CNBD1: variants seen among roughly 807,000 people sequenced by gnomAD.
The protein encoded by CNBD1 is cyclic nucleotide-binding domain-containing protein 1.
Under a neutral mutation model 54.4 loss-of-function variants are expected in CNBD1, and 71 were observed. The observed-to-expected ratio is 1.30, with a 90% CI of 1.08 to 1.59. The LOEUF (loss-of-function observed/expected upper bound fraction) is 1.59, where lower values mean the gene tolerates loss of function less well. Among genes scored for constraint, CNBD1 ranks in the 40% most tolerant of loss-of-function variants. The pLI is 0.00. For synonymous variants in CNBD1, 182 were observed against 170.7 expected, an observed-to-expected ratio of 1.07 and a Z score of -0.51; for missense variants, 659 against 518.0, an observed-to-expected ratio of 1.27 and a Z score of -2.64.
intron 2 of CNBD1, among the ~76,000 whole-genome samples, chr8:87,397,589 T>C (rs372475920): frequency 1.3e-5 from 2 of 152,124 alleles, no homozygotes; most frequent in East Asian, 3.9e-4. Flanking sequence ...TATATATTTT[T>C]AATTCACAGT....
At chr8:86,907,403 C>G (rs1006563052) in intron 3 of CNBD1, among the ~76,000 whole-genome samples, 1 of 151,968 alleles carries the variant, frequency 6.6e-6, no homozygotes, top group Non-Finnish European at 1.5e-5. Context: ...CGTGGTGGCT[C>G]ACACCTGTAA....
intron 4 of CNBD1, among the ~76,000 whole-genome samples, chr8:87,015,465 G>A (rs569632474): frequency 4.6e-5 from 7 of 152,156 alleles, no homozygotes; most frequent in East Asian, 3.9e-4. Context: ...AATTACAGGC[G>A]TGATCCATCA....
chr8:87,240,812 C>A (rs1362648918), intron 6 of CNBD1, among the ~76,000 whole-genome samples: 2 of 152,058 alleles, frequency 1.3e-5, no homozygotes, highest in African/African-American at 4.8e-5. Context: ...TTCCCTGGAG[C>A]TGGTGTTGCC....
chr8:87,322,918 T>C (rs1374650869), intron 8 of CNBD1, among the ~76,000 whole-genome samples: 3 of 113,162 alleles, frequency 2.7e-5, no homozygotes, highest in African/African-American at 6.8e-5. Context: ...GGTTTTCTTC[T>C]AGGGTTTTTA....
rs1811802128 is a variant in CNBD1, at chr8:87,117,627, A to T, written c.432-88366A>T. 3.3e-5 allele frequency among the ~76,000 whole-genome samples: 5 copies of T among 152,138 alleles called. No homozygotes were observed. In the South Asian group the frequency reaches 8.3e-4, roughly 25 times the overall value. On this transcript the variant is annotated intron_variant, in intron 4 of 10. Transcript: ENST00000518476. ...TTTCATTATATGCTTCACAAAGTAC[A>T]GGGAAGAACAATGTTTTACTGGCAG...
chr8:87,092,120 TAGTC>T (rs1367274019), intron 4 of CNBD1, among the ~76,000 whole-genome samples: 5 of 152,070 alleles, frequency 3.3e-5, no homozygotes, highest in Admixed American at 6.6e-5. Context: ...GCAAGAGAAA[TAGTC>T]AGGATAGAAA....
chr8:86,964,145 C>T (rs1808010148), intron 4 of CNBD1, among the ~76,000 whole-genome samples: 1 of 114 alleles, frequency 8.8e-3, no homozygotes, highest in Non-Finnish European at 0.013. Flanking sequence ...CTCCTGATAT[C>T]AGGGGCTGAA....
chr8:87,394,047 T>C (rs924137249), intron 2 of CNBD1, among the ~76,000 whole-genome samples: 14 of 151,922 alleles, frequency 9.2e-5, no homozygotes, highest in South Asian at 8.3e-4. Context: ...AAAATAATAG[T>C]AACAATAATT....
intron 4 of CNBD1, among the ~76,000 whole-genome samples, chr8:87,073,141 A>G (rs1810793425): frequency 6.6e-6 from 1 of 151,722 alleles, no homozygotes; most frequent in African/African-American, 2.4e-5. Context: ...TGAAGTTCTC[A>G]GGTCCATCAG....
intron 10 of CNBD1, among the ~76,000 whole-genome samples, chr8:87,373,121 A>T (rs987154934): frequency 1.3e-5 from 2 of 151,832 alleles, no homozygotes; most frequent in African/African-American, 2.4e-5. Context: ...CATAGTTTAC[A>T]TATTTTTAAA....
chr8:86,970,430 G>A (rs1808193100), intron 4 of CNBD1, among the ~76,000 whole-genome samples: 1 of 152,006 alleles, frequency 6.6e-6, no homozygotes, highest in Non-Finnish European at 1.5e-5. Context: ...CTTATCTGGT[G>A]TGTTAATCTC....
At chr8:86,869,400 G>A (rs1280040532) in intron 1 of CNBD1, among the ~76,000 whole-genome samples, 2 of 152,104 alleles carry the variant, frequency 1.3e-5, no homozygotes, top group African/African-American at 4.8e-5. Flanking sequence ...CTCCTGCCCT[G>A]AATTTCTTGC....
intron 4 of CNBD1, among the ~76,000 whole-genome samples, chr8:87,125,464 T>A (rs1275881627): frequency 6.6e-6 from 1 of 151,782 alleles, no homozygotes; most frequent in Non-Finnish European, 1.5e-5. Flanking sequence ...CCAAAACCCA[T>A]AAATATGCCC....
At chr8:87,228,928 G>GA (rs1814588207) in intron 5 of CNBD1, among the ~76,000 whole-genome samples, 2 of 152,328 alleles carry the variant, frequency 1.3e-5, no homozygotes, top group South Asian at 4.1e-4. Flanking sequence ...CCAGGTGGGG[G>GA]ATATAATCTC....
chr8:87,141,571 G>A (rs549263247), intron 4 of CNBD1, among the ~76,000 whole-genome samples: 1 of 152,050 alleles, frequency 6.6e-6, no homozygotes, highest in South Asian at 2.1e-4. Context: ...AATTTTCCAA[G>A]TCCTCTTAAG....
At chr8:87,056,919 C>G (rs1490573006) in intron 4 of CNBD1, among the ~76,000 whole-genome samples, 1 of 152,100 alleles carries the variant, frequency 6.6e-6, no homozygotes, top group Non-Finnish European at 1.5e-5. Context: ...TAAGAAAGCC[C>G]TCATGATCTG....
At chr8:87,380,764 T>C (rs943920436) in intron 10 of CNBD1, among the ~76,000 whole-genome samples, 5 of 152,010 alleles carry the variant, frequency 3.3e-5, no homozygotes, top group African/African-American at 1.2e-4. Flanking sequence ...TATTTTATTG[T>C]TTTTTAGGAC....
chr8:87,417,393 A>G (rs899941705), intron 2 of CNBD1, among the ~76,000 whole-genome samples: 2 of 152,008 alleles, frequency 1.3e-5, no homozygotes, highest in African/African-American at 4.8e-5. Context: ...GGAACACAGC[A>G]AAACCATATT....
intron 10 of CNBD1, among the ~76,000 whole-genome samples, chr8:87,375,084 A>C (rs1810897813): frequency 6.6e-6 from 1 of 151,944 alleles, no homozygotes; most frequent in South Asian, 2.1e-4. Context: ...TATACAGTAC[A>C]TTTAGAAATG....
Sources: gnomAD v4.1 joint callset for allele counts (sites outside exome capture counted in the v4.1 genomes callset) on GRCh38, gnomAD v4.1.1 for gene constraint, MANE v1.5 for transcripts, NCBI Gene and HGNC (gene_info 2026-07-23, HGNC 2026-07-21) for gene names.